Variants in SOX5 observed in about 807,000 individuals in gnomAD.
SOX5 encodes the protein transcription factor SOX-5.
SOX5 carries 9 observed loss-of-function variants against 92.0 expected under a neutral mutation model. The observed-to-expected ratio is 0.10, with a 90% CI of 0.06 to 0.17. SOX5 has a LOEUF of 0.17. Ranked by LOEUF, SOX5 falls within the 10% of genes least tolerant of loss-of-function variation. The probability of loss-of-function intolerance (pLI) is 1.00; values close to 1 mark genes in which losing one functional copy is unlikely to be tolerated. For synonymous variants in SOX5, 344 were observed against 336.3 expected, an observed-to-expected ratio of 1.02 and a Z score of -0.25; for missense variants, 642 against 944.5, an observed-to-expected ratio of 0.68 and a Z score of 4.20.
chr12:23,765,823 A>C (rs1478196832), intron 3 of SOX5, among the ~76,000 whole-genome samples: 2 of 152,098 alleles, frequency 1.3e-5, no homozygotes, highest in African/African-American at 4.8e-5. Flanking sequence ...ATCAAGAGGC[A>C]TCATATCCTA....
intron 2 of SOX5, among the ~76,000 whole-genome samples, chr12:24,286,719 G>C (rs1332247286): frequency 6.6e-6 from 1 of 152,074 alleles, no homozygotes; most frequent in Non-Finnish European, 1.5e-5. Flanking sequence ...TGGGGACACA[G>C]ATCTCAGTAC....
chr12:24,508,105 T>C (rs997068870), intron 1 of SOX5, among the ~76,000 whole-genome samples: 1 of 152,144 alleles, frequency 6.6e-6, no homozygotes, highest in African/African-American at 2.4e-5. Context: ...GCTAAGGAGC[T>C]TGGACTTTAC....
intron 11 of SOX5, among the ~76,000 whole-genome samples, chr12:23,557,051 T>C (rs939366540): frequency 2.0e-5 from 3 of 152,170 alleles, no homozygotes; most frequent in African/African-American, 7.2e-5. Context: ...TAAGTCAACA[T>C]TGGTCACTGT....
Position 23,958,639 on chromosome 12 carries a change from G to A in SOX5, c.-1-62615C>T, listed in dbSNP as rs529007696. On this transcript the variant is annotated intron_variant, in intron 4 of 4. Transcript: ENST00000446891. Reference sequence around the variant, plus strand: ...AGTGTCTATTTCACTAGGAATTGACGCTAGGTTTCTATAAGAAAGCCTATC... The same window carrying A: ...AGTGTCTATTTCACTAGGAATTGACACTAGGTTTCTATAAGAAAGCCTATC... 6.6e-5 allele frequency among the ~76,000 whole-genome samples: 10 copies of A among 151,482 alleles called. No homozygotes were observed. The South Asian group carries it at 1.0e-3, about 16-fold the overall frequency.
Position 23,903,564 on chromosome 12 carries a change from C to T in SOX5, c.39-7540G>A, listed in dbSNP as rs186839748. 4.2e-3 allele frequency among the ~76,000 whole-genome samples: 640 copies of T among 152,172 alleles called. 2 individuals are homozygous for T. The highest frequency in any genetic ancestry group is 0.016 in the South Asian group (78 of 4,820). On this transcript the variant is annotated intron_variant, in intron 1 of 14. Coordinates refer to ENST00000451604, the MANE Select transcript of SOX5 (RefSeq NM_006940.6). Reference sequence around the variant, plus strand: ...TGCTTCTGCACAACAGCCTGGGCAACAAAGTGAGACCCTGTCTCAAAAAAA... The same window carrying T: ...TGCTTCTGCACAACAGCCTGGGCAATAAAGTGAGACCCTGTCTCAAAAAAA...
At position 23,532,492 on chromosome 12, in the gene SOX5, G is replaced by A. The variant is rs1019547066; in HGVS notation, c.*1727C>T. 2.6e-5 allele frequency: 4 copies of A among 152,156 alleles called. No homozygotes were observed. The highest frequency in any genetic ancestry group is 5.9e-5 in the Non-Finnish European group (4 of 68,062). 9.4% of individuals were successfully genotyped at this position (152,156 alleles called of 1,614,324 possible). On this transcript the variant is annotated 3_prime_UTR_variant, in exon 15 of 15. Transcript: ENST00000451604. ...AAATGATTTTGCATTTATTTGTACA[G>A]GCCCTACAACTGCCTTGGCATTTGG...
intron 3 of SOX5, among the ~76,000 whole-genome samples, chr12:24,247,649 T>G (rs1939121942): frequency 3.0e-5 from 4 of 133,722 alleles, no homozygotes; most frequent in Non-Finnish European, 6.1e-5. Flanking sequence ...TATTTACTTT[T>G]TTTTTTTTTT....
At chr12:24,287,267 A>T (rs1945987782) in intron 2 of SOX5, among the ~76,000 whole-genome samples, 1 of 152,234 alleles carries the variant, frequency 6.6e-6, no homozygotes, top group Non-Finnish European at 1.5e-5. Flanking sequence ...AATAAAACAC[A>T]TGTAACATCA....
intron 4 of SOX5, among the ~76,000 whole-genome samples, chr12:24,152,934 C>T (rs1565542982): frequency 6.6e-6 from 1 of 151,942 alleles, no homozygotes; most frequent in Non-Finnish European, 1.5e-5. Context: ...TGTTTTATTA[C>T]AAAAACATTC....
chr12:24,164,098 T>C (rs116852042), intron 4 of SOX5, among the ~76,000 whole-genome samples: 2 of 152,204 alleles, frequency 1.3e-5, no homozygotes, highest in East Asian at 3.9e-4. Flanking sequence ...CAGAGAATGA[T>C]CTATAGTGAG....
intron 7 of SOX5, among the ~76,000 whole-genome samples, chr12:23,647,756 T>C (rs2081047690): frequency 1.3e-5 from 2 of 152,218 alleles, no homozygotes; most frequent in Admixed American, 1.3e-4. Flanking sequence ...TCTCTCAGCC[T>C]TCGTAGAATT....
intron 3 of SOX5, among the ~76,000 whole-genome samples, chr12:24,217,483 A>T (rs1365652692): frequency 6.6e-6 from 1 of 152,240 alleles, no homozygotes; most frequent in African/African-American, 2.4e-5. Flanking sequence ...ATATATAAAT[A>T]AGAATTAACT....
intron 7 of SOX5, among the ~76,000 whole-genome samples, chr12:23,642,159 C>T (rs983462138): frequency 6.6e-6 from 1 of 151,812 alleles, no homozygotes; most frequent in African/African-American, 2.4e-5. Flanking sequence ...ACTTTTCTAC[C>T]TAAGTGTGTG....
chr12:23,997,807 A>G (rs974854148), intron 4 of SOX5, among the ~76,000 whole-genome samples: 2 of 152,228 alleles, frequency 1.3e-5, no homozygotes, highest in African/African-American at 4.8e-5. Flanking sequence ...AGATTTTAAA[A>G]GGAAAAGGTT....
intron 1 of SOX5, among the ~76,000 whole-genome samples, chr12:24,470,434 T>C (rs746875259): frequency 6.6e-6 from 1 of 152,036 alleles, no homozygotes; most frequent in Non-Finnish European, 1.5e-5. Context: ...TGAGGACAGA[T>C]TAAGGCAGGA....
chr12:24,373,161 C>T (rs1956918823), intron 1 of SOX5, among the ~76,000 whole-genome samples: 1 of 151,792 alleles, frequency 6.6e-6, no homozygotes, highest in Admixed American at 6.6e-5. Context: ...ACCATATGTT[C>T]AGTGCAAAGT....
chr12:24,319,297 T>G (rs1949992736), intron 2 of SOX5, among the ~76,000 whole-genome samples: 1 of 152,218 alleles, frequency 6.6e-6, no homozygotes, highest in African/African-American at 2.4e-5. Context: ...TTTCCCTGTT[T>G]ATCCATACAT....
At chr12:24,035,791 T>C (rs1407083247) in intron 4 of SOX5, among the ~76,000 whole-genome samples, 1 of 152,022 alleles carries the variant, frequency 6.6e-6, no homozygotes, top group Non-Finnish European at 1.5e-5. Flanking sequence ...CGTCCCCTTC[T>C]CTCATTAAAA....
At chr12:23,773,702 C>A (rs757411217) in intron 3 of SOX5, among the ~76,000 whole-genome samples, 1 of 151,064 alleles carries the variant, frequency 6.6e-6, no homozygotes, top group African/African-American at 2.4e-5. Context: ...TAAAACTTGT[C>A]GCTGATTTCT....
Sources: allele counts gnomAD v4.1 joint callset (sites outside exome capture counted in the v4.1 genomes callset), GRCh38; gene constraint gnomAD v4.1.1; transcripts MANE v1.5; gene names NCBI Gene and HGNC (gene_info 2026-07-23, HGNC 2026-07-21).